Variants in KRIT1 observed in about 807,000 individuals in gnomAD.
KRIT1 encodes KRIT1 ankyrin repeat containing.
In KRIT1, 45 loss-of-function variants were observed where a neutral mutation model predicts 95.8. The observed-to-expected ratio is 0.47, with a 90% CI of 0.37 to 0.60. KRIT1 has a LOEUF of 0.60. Ranked by LOEUF, KRIT1 falls within the 20% of genes least tolerant of loss-of-function variation. The pLI is 0.00. For synonymous variants in KRIT1, 282 were observed against 278.8 expected (o/e 1.01, Z -0.11); for missense variants, 788 against 877.5 (o/e 0.90, Z 1.29).
chr7:92,217,102 T>C (rs901873507), intron 14 of KRIT1, among the ~76,000 whole-genome samples: 2 of 152,182 alleles, frequency 1.3e-5, no homozygotes, highest in Non-Finnish European at 2.9e-5. Flanking sequence ...TACTTGAGTC[T>C]CCTTTATTTT....
chr7:92,226,668 T>C lies in KRIT1; in HGVS notation c.1004A>G (p.Glu335Gly). Residue 335 changes from glutamate to glycine, a missense_variant, in exon 11 of 19, where the codon GAG becomes GGG. Coordinates refer to ENST00000394505, the MANE Select transcript of KRIT1 (RefSeq NM_194454.3). ...IHYACWYGKVEATRILLEKGK... is the reference protein window; with the variant it reads ...IHYACWYGKVGATRILLEKGK... ...TTTCTCTAACAATATGCGAGTGGCCTCAACTTTTCCATACCTGTATAAAAA... is the reference window on the plus strand; with the variant it reads ...TTTCTCTAACAATATGCGAGTGGCCCCAACTTTTCCATACCTGTATAAAAA... The C allele has an allele frequency of 2.5e-6, 4 of 1,613,456 alleles. No homozygotes were observed. Among genetic ancestry groups the C allele is most frequent in the African/African-American group, 1.3e-5 (1 of 74,990 alleles).
intron 17 of KRIT1, 147 bp from the exon 18 acceptor site, chr7:92,201,570 T>C (rs894347455): frequency 1.1e-5 from 7 of 631,782 alleles, no homozygotes; most frequent in African/African-American, 1.1e-4. Flanking sequence ...AGTTCTGGGG[T>C]ACACGTGCAG....
chr7:92,221,561 T>C (rs544078833), intron 14 of KRIT1, among the ~76,000 whole-genome samples: 4 of 152,336 alleles, frequency 2.6e-5, no homozygotes, highest in Admixed American at 1.3e-4. Context: ...TCCTTCAAAA[T>C]GTATACAACT....
chr7:92,214,496 A>G, intron 15 of KRIT1, 115 bp downstream of exon 15: 1 of 766,548 alleles, frequency 1.3e-6, no homozygotes. Flanking sequence ...GTCTTATATT[A>G]TTTAATTCCA....
chr7:92,212,642 C>A (rs552813514), intron 17 of KRIT1, among the ~76,000 whole-genome samples: 6 of 152,310 alleles, frequency 3.9e-5, no homozygotes, highest in African/African-American at 1.2e-4. Context: ...CCCGCTAGCA[C>A]GCTGATCTCA....
chr7:92,214,815 ATTTC>A, intron 14 of KRIT1, 38 bp from the exon 15 acceptor site: 1 of 1,397,730 alleles, frequency 7.2e-7, no homozygotes, highest in Non-Finnish European at 1.0e-6. Flanking sequence ...TTAGGCTACA[ATTTC>A]TTTTTACAAA....
intron 17 of KRIT1, among the ~76,000 whole-genome samples, chr7:92,211,212 C>T (rs962133896): frequency 2.8e-4 from 43 of 152,216 alleles, no homozygotes; most frequent in African/African-American, 1.0e-3. Flanking sequence ...TCAGTGGGAT[C>T]CTGCAACCCC....
intron 14 of KRIT1, 47 bp from the exon 15 acceptor site, chr7:92,214,824 T>C (rs746159455): frequency 2.0e-5 from 26 of 1,301,644 alleles, no homozygotes; most frequent in African/African-American, 5.8e-5. Flanking sequence ...AATTTCTTTT[T>C]ACAAATGAAC....
intron 7 of KRIT1, chr7:92,235,890 A>T: frequency 2.5e-6 from 1 of 392,830 alleles, no homozygotes; most frequent in South Asian, 2.8e-5. Flanking sequence ...TAATATGTTC[A>T]TATGATCTAT....
rs549242702 is a variant in KRIT1 at position 92,207,836 on chromosome 7, C to T, written c.2025+5359G>A. 1.2e-4 allele frequency among the ~76,000 whole-genome samples: 18 copies of T among 152,110 alleles called. No individual in the cohort carries two copies. In the South Asian group the frequency reaches 2.3e-3, roughly 19 times the overall value. ...ATTGCTCACTGCACTTCAGCCTAGGCGACAGAGCAGGACTCTGTCTCTAAA... is the reference window on the plus strand; with the variant it reads ...ATTGCTCACTGCACTTCAGCCTAGGTGACAGAGCAGGACTCTGTCTCTAAA... On this transcript the variant is annotated intron_variant, in intron 17 of 18. Coordinates refer to ENST00000394505, the MANE Select transcript of KRIT1 (RefSeq NM_194454.3).
At chr7:92,225,108 G>A (rs779032217) in intron 12 of KRIT1, among the ~76,000 whole-genome samples, 4 of 151,936 alleles carry the variant, frequency 2.6e-5, no homozygotes, top group South Asian at 2.1e-4. Flanking sequence ...AGCTGAGATC[G>A]CGCCATTGTA....
chr7:92,222,894 T>A lies in KRIT1; in HGVS notation c.1339A>T (p.Ile447Leu), dbSNP rs1161355896. ...TGAGAGAGACGCATTCCTTCCATTA[T>A]CTGCTGCACTGTGGTATTATTTCCA... ...KHGNNTTVQQ[I>L]MEGMRLSQET... The change falls in exon 13 of 19, where the codon ATA becomes TTA. Residue 447 changes from isoleucine to leucine, a missense_variant. Ile to Leu is a conservative substitution (Grantham distance 5). Coordinates refer to ENST00000394505, the MANE Select transcript of KRIT1 (RefSeq NM_194454.3). The A allele has an allele frequency of 1.2e-6, 2 of 1,602,496 alleles. No homozygotes were observed. Among genetic ancestry groups the A allele is most frequent in the African/African-American group, 2.7e-5 (2 of 74,680 alleles).
chr7:92,227,435 C>A (rs1436862060), intron 10 of KRIT1, among the ~76,000 whole-genome samples: 2 of 151,860 alleles, frequency 1.3e-5, no homozygotes, highest in Non-Finnish European at 2.9e-5. Context: ...TTGTGGCGCA[C>A]GCCTGTAATC....
intron 7 of KRIT1, 68 bp from the exon 8 acceptor site, chr7:92,235,714 C>T (rs1798304932): frequency 6.1e-6 from 9 of 1,469,852 alleles, no homozygotes; most frequent in East Asian, 2.3e-5. Flanking sequence ...AGATTACTAT[C>T]TAACTCTGAT....
chr7:92,201,112 G>A (rs540969555), intron 18 of KRIT1, among the ~76,000 whole-genome samples, 195 bp downstream of exon 18: 14 of 152,268 alleles, frequency 9.2e-5, no homozygotes, highest in Admixed American at 2.0e-4. Flanking sequence ...TGTTATAAAA[G>A]TGAAATAAAC....
intron 17 of KRIT1, among the ~76,000 whole-genome samples, chr7:92,207,712 C>A (rs1791883181): frequency 6.6e-6 from 1 of 152,088 alleles, no homozygotes; most frequent in South Asian, 2.1e-4. Context: ...CAAAAATTAG[C>A]CAGGTGTGGT....
At chr7:92,217,988 C>G (rs1794336488) in intron 14 of KRIT1, among the ~76,000 whole-genome samples, 1 of 152,092 alleles carries the variant, frequency 6.6e-6, no homozygotes. Context: ...ATTTGCATTT[C>G]CCTAATAACT....
chr7:92,234,210 T>C (rs1352981413), intron 10 of KRIT1, among the ~76,000 whole-genome samples: 1 of 152,212 alleles, frequency 6.6e-6, no homozygotes, highest in African/African-American at 2.4e-5. Context: ...AGTCATTAAG[T>C]ATCCTACTAT....
At chr7:92,237,415 T>C (rs1159290735) in intron 6 of KRIT1, among the ~76,000 whole-genome samples, 2 of 152,122 alleles carry the variant, frequency 1.3e-5, no homozygotes, top group Admixed American at 6.5e-5. Flanking sequence ...TAAATTTCAA[T>C]TATGCCTTCC....
Sources: allele counts gnomAD v4.1 joint callset (sites outside exome capture counted in the v4.1 genomes callset), GRCh38; gene constraint gnomAD v4.1.1; transcripts MANE v1.5; gene names NCBI Gene and HGNC (gene_info 2026-07-23, HGNC 2026-07-21).